Variants in ZNF516 observed in about 807,000 individuals in gnomAD.
The protein encoded by ZNF516 is zinc finger protein 516.
Under a neutral mutation model 79.7 loss-of-function variants are expected in ZNF516, and 19 were observed. The ratio of observed to expected loss-of-function variants is 0.24; its 90% CI spans 0.17 to 0.35. The LOEUF is 0.35. ZNF516 is among the 10% of genes least tolerant of loss of function. The pLI is 1.00. For synonymous variants in ZNF516, 877 were observed against 739.5 expected (o/e 1.19, Z -3.02); for missense variants, 1,678 against 1,679.5 (o/e 1.00, Z 0.02).
intron 1 of ZNF516, among the ~76,000 whole-genome samples, chr18:76,478,262 G>T (rs62110936): frequency 6.6e-6 from 1 of 152,114 alleles, no homozygotes; most frequent in African/African-American, 2.4e-5. Flanking sequence ...TCTTCAACAG[G>T]AAGGGCATTT....
intron 6 of ZNF516, among the ~76,000 whole-genome samples, chr18:76,366,248 T>G (rs1279983458): frequency 6.6e-6 from 1 of 152,256 alleles, no homozygotes; most frequent in Non-Finnish European, 1.5e-5. Context: ...TGAATTGTTT[T>G]GCTGAGATAG....
intron 2 of ZNF516, among the ~76,000 whole-genome samples, chr18:76,455,071 T>C (rs185967296): frequency 2.3e-4 from 35 of 152,264 alleles, no homozygotes; most frequent in Admixed American, 7.2e-4. Flanking sequence ...GCCTGGGTTA[T>C]ATGGGAATAA....
intron 3 of ZNF516, among the ~76,000 whole-genome samples, chr18:76,429,073 C>A (rs960012950): frequency 6.6e-6 from 1 of 152,188 alleles, no homozygotes; most frequent in African/African-American, 2.4e-5. Flanking sequence ...CTCTCCCTCC[C>A]GGGGACAAGA....
At position 76,378,882 on chromosome 18, in the gene ZNF516, C is replaced by T. The variant is rs1568238330; in HGVS notation, c.3232G>A (p.Val1078Ile). ...DFATLYQGWG[V>I]SGPGLEHRGT... ...CTGTGCTCCAACCCAGGGCCGCTGA[C>T]ACCCCATCCCTGGTAGAGGGTCGCA... The change falls in exon 4 of 7, where the codon GTC (valine) becomes ATC (isoleucine). Residue 1078 changes from valine (V) to isoleucine (I), a missense_variant. Val to Ile is a conservative substitution (Grantham distance 29). This residue lies in a region of ZNF516 where 1,294 missense variants were observed against 1,248.3 expected (regional missense o/e 1.04). Transcript: ENST00000443185. The T allele has an allele frequency of 6.2e-6, 10 of 1,613,478 alleles. No individual in the cohort carries two copies. Among genetic ancestry groups the T allele is most frequent in the Non-Finnish European group, 7.6e-6 (9 of 1,179,684 alleles).
At position 76,467,158 on chromosome 18, in the gene ZNF516, C is replaced by G. The variant is rs1010386894; in HGVS notation, c.-271-4017G>C. Among the ~76,000 whole-genome samples, 8 of 134,022 alleles carry G rather than the reference C, an allele frequency of 6.0e-5. 1 individual carries two copies. Among genetic ancestry groups the G allele is most frequent in the African/African-American group, 2.4e-4 (8 of 33,008 alleles). The allele number at this position is 134,022 out of a possible 152,430, so 87.9% of individuals were successfully genotyped here. ...CTCTCGGAACCTGCAGCTCACAGCC[C>G]TTCTGGGTTGGCAGGAAGTCCTGCG... On this transcript the variant is annotated intron_variant, in intron 1 of 6. Transcript: ENST00000443185. The surrounding 1 kb of genome is among the most constrained non-coding windows in gnomAD (Gnocchi z 4.2).
At chr18:76,432,451 C>T (rs948246107) in intron 3 of ZNF516, among the ~76,000 whole-genome samples, 4 of 152,238 alleles carry the variant, frequency 2.6e-5, no homozygotes, top group Non-Finnish European at 4.4e-5. Context: ...GGGCCAGCAC[C>T]GTCACTACCT....
rs142600235 is a variant in ZNF516, at chr18:76,370,171, C to T, written c.3432+357G>A. On this transcript the variant is annotated intron_variant, in intron 6 of 6. Transcript: ENST00000443185. ...GGAATAACACAAAAATAATGTTCTTCAAGGAGGTTAACCACAATTTGTTCT... is the reference window on the plus strand; with the variant it reads ...GGAATAACACAAAAATAATGTTCTTTAAGGAGGTTAACCACAATTTGTTCT... Among the ~76,000 whole-genome samples, 16 of 152,336 alleles carry T rather than the reference C, an allele frequency of 1.1e-4. No individual in the cohort carries two copies. In the East Asian group the frequency reaches 2.7e-3, roughly 26 times the overall value.
rs1282225022 is a variant in ZNF516, at chr18:76,441,726, C to A, written c.1329G>T (p.Leu443=). 1.3e-6 allele frequency: 2 copies of A among 1,573,448 alleles called. No homozygotes were observed. Among genetic ancestry groups the A allele is most frequent in the African/African-American group, 2.7e-5 (2 of 74,064 alleles). Residue 443 remains leucine, a synonymous_variant, in exon 3 of 7, where the codon CTG becomes CTT. Coordinates refer to ENST00000443185, the MANE Select transcript of ZNF516 (RefSeq NM_014643.4). Reference sequence around the variant, plus strand: ...CCTTGTCGAAGGCCACGTCCCCGGCCAGCGCCTCGTCCCAGGCCCCGTACT... The same window carrying A: ...CCTTGTCGAAGGCCACGTCCCCGGCAAGCGCCTCGTCCCAGGCCCCGTACT... ...YLKYGAWDEA[L]AGDVAFDKDR...
At chr18:76,470,233 T>C (rs1231706949) in intron 1 of ZNF516, among the ~76,000 whole-genome samples, 1 of 152,212 alleles carries the variant, frequency 6.6e-6, no homozygotes, top group Admixed American at 6.5e-5. Flanking sequence ...AGCCAACCAA[T>C]GTGCAGTTTC....
intron 3 of ZNF516, among the ~76,000 whole-genome samples, chr18:76,396,828 G>A (rs1419776643): frequency 3.9e-5 from 6 of 152,258 alleles, no homozygotes; most frequent in South Asian, 4.1e-4. Context: ...GCTGTCAGAC[G>A]ATGTTTTTGG....
rs115705623 is a variant in ZNF516, at chr18:76,418,756, T to C, written c.1810+22489A>G. On this transcript the variant is annotated intron_variant, in intron 3 of 6. Transcript: ENST00000443185. ...AATCTCAATTTCCTTTTTCAAACGC[T>C]ATAATGCAATGCAAAGCCGGGGAAA... 8.3e-3 allele frequency among the ~76,000 whole-genome samples: 1,267 copies of C among 152,348 alleles called. 18 individuals are homozygous for C. The highest frequency in any genetic ancestry group is 0.028 in the African/African-American group (1,166 of 41,572).
chr18:76,475,757 C>T lies in ZNF516; in HGVS notation c.-271-12616G>A, dbSNP rs574559659. ...CTGAGGGTGTGTACACACAACAGCACCCTACACATGCCTTAAAGCAAATAC... is the reference window on the plus strand; with the variant it reads ...CTGAGGGTGTGTACACACAACAGCATCCTACACATGCCTTAAAGCAAATAC... On this transcript the variant is annotated intron_variant, in intron 1 of 6. Coordinates refer to ENST00000443185, the MANE Select transcript of ZNF516 (RefSeq NM_014643.4). Among the ~76,000 whole-genome samples, 29 of 152,220 alleles carry T rather than the reference C, an allele frequency of 1.9e-4. 2 individuals carry two copies. In the South Asian group the frequency reaches 5.4e-3, roughly 28 times the overall value.
At chr18:76,402,047 G>A (rs75531123) in intron 3 of ZNF516, among the ~76,000 whole-genome samples, 2,853 of 151,970 alleles carry the variant, frequency 0.019, 55 homozygotes, top group African/African-American at 0.041. Flanking sequence ...GCACGTGAAC[G>A]TGACCAGTGG....
chr18:76,450,946 C>T (rs1053094798), intron 2 of ZNF516, among the ~76,000 whole-genome samples: 6 of 152,096 alleles, frequency 3.9e-5, no homozygotes, highest in African/African-American at 9.7e-5. Context: ...AACCTTATCC[C>T]GAAAAAGGCA....
intron 3 of ZNF516, among the ~76,000 whole-genome samples, chr18:76,431,121 T>C (rs1344865819): frequency 2.0e-5 from 3 of 152,148 alleles, no homozygotes; most frequent in Non-Finnish European, 4.4e-5. Flanking sequence ...ATCCTATCAA[T>C]AGCCGACAAA....
At chr18:76,371,703 C>T (rs1317108891) in intron 4 of ZNF516, 132 bp from the exon 5 acceptor site, 1 of 694,936 alleles carries the variant, frequency 1.4e-6, no homozygotes, top group African/African-American at 1.8e-5. Flanking sequence ...GTGAGGCTCC[C>T]TTCAGGCCCT....
Position 76,441,313 on chromosome 18 carries a change from G to C in ZNF516, c.1742C>G (p.Pro581Arg). Residue 581 changes from proline (P) to arginine (R), a missense_variant, in exon 3 of 7, where the codon CCG becomes CGG. By Grantham distance (103) the Pro-to-Arg change is moderately radical. This residue lies in a region of ZNF516 where 1,294 missense variants were observed against 1,248.3 expected (regional missense o/e 1.04). Transcript: ENST00000443185. ...PGSACAAADS[P>R]GSGLADEAAE... is the part of the protein sequence containing the mutation. ...AGCCTCGTCGGCCAGGCCAGAGCCC[G>C]GGGAGTCAGCAGCGGCACAGGCGGA... 1 of 1,611,528 alleles carries C rather than the reference G, an allele frequency of 6.2e-7. No individual in the cohort carries two copies. The highest frequency in any genetic ancestry group is 8.5e-7 in the Non-Finnish European group (1 of 1,179,478).
In ZNF516 at chr18:76,489,726, G is replaced by A. The variant is rs1464238097; in HGVS notation, c.-272+5418C>T. ...TGGTGAGGTAAACTATTCTCAGGGT[G>A]TCAACAATTCATAGCAGACACATTT... On this transcript the variant is annotated intron_variant, in intron 1 of 6. Coordinates refer to ENST00000443185, the MANE Select transcript of ZNF516 (RefSeq NM_014643.4). Among the ~76,000 whole-genome samples, 5 of 152,138 alleles carry A rather than the reference G, an allele frequency of 3.3e-5. No homozygotes were observed. In the East Asian group the frequency reaches 9.6e-4, roughly 29 times the overall value.
chr18:76,373,695 G>T lies in ZNF516; in HGVS notation c.3260-2124C>A, dbSNP rs536727427. Among the ~76,000 whole-genome samples the T allele has an allele frequency of 4.9e-4, 75 of 152,318 alleles. 1 individual carries two copies. Among genetic ancestry groups the T allele is most frequent in the African/African-American group, 1.8e-3 (75 of 41,540 alleles). ...ACTCATCCGTGCTTATTTCCTTGAA[G>T]TAAGGGTGCATGAGCACGCGTGCAC... On this transcript the variant is annotated intron_variant, in intron 4 of 6. Transcript: ENST00000443185.
Sources: gnomAD v4.1 joint callset for allele counts (sites outside exome capture counted in the v4.1 genomes callset) on GRCh38, gnomAD v4.1.1 for gene constraint, gnomAD v4.1.1 regional missense constraint, Gnocchi (gnomAD v3.1) non-coding constraint, MANE v1.5 for transcripts, NCBI Gene and HGNC (gene_info 2026-07-23, HGNC 2026-07-21) for gene names.